Variants in ATF7 observed in about 807,000 individuals in gnomAD.
ATF7 encodes the protein cyclic AMP-dependent transcription factor ATF-7.
Under a neutral mutation model 50.4 loss-of-function variants are expected in ATF7, and 10 were observed. The observed-to-expected ratio is 0.20, with a 90% CI of 0.12 to 0.34. The LOEUF is 0.34. Ranked by LOEUF, ATF7 falls within the 10% of genes least tolerant of loss-of-function variation. The probability of loss-of-function intolerance (pLI) is 1.00; values close to 1 mark genes in which losing one functional copy is unlikely to be tolerated. For synonymous variants in ATF7, 201 were observed against 226.4 expected, an observed-to-expected ratio of 0.89 and a Z score of 1.01; for missense variants, 465 against 613.9, an observed-to-expected ratio of 0.76 and a Z score of 2.56.
chr12:53,549,187 T>G (rs527583647), intron 3 of ATF7, among the ~76,000 whole-genome samples: 1 of 150,924 alleles, frequency 6.6e-6, no homozygotes, highest in African/African-American at 2.4e-5. Context: ...CTCGGGAGGC[T>G]GAGGCAGGAG....
At position 53,514,571 on chromosome 12, in the gene ATF7, A is replaced by G. The variant is rs1565910212; in HGVS notation, c.*2566T>C. ...GAGACTGAGAACCAACTCAAGAACTATCTAGGGGGTTCTGACCTGCTGCTT... is the reference window on the plus strand; with the variant it reads ...GAGACTGAGAACCAACTCAAGAACTGTCTAGGGGGTTCTGACCTGCTGCTT... On this transcript the variant is annotated 3_prime_UTR_variant, in exon 12 of 12. Coordinates refer to ENST00000420353, the MANE Select transcript of ATF7 (RefSeq NM_006856.3). The G allele has an allele frequency of 1.3e-5, 2 of 152,138 alleles. No homozygotes were observed. Among genetic ancestry groups the G allele is most frequent in the East Asian group, 3.8e-4 (2 of 5,200 alleles). 9.4% of individuals were successfully genotyped at this position (152,138 alleles called of 1,614,324 possible). A position where few individuals can be genotyped will look rare whatever the true frequency, so the allele number is the denominator to read the frequency against.
Position 53,528,750 on chromosome 12 carries a change from G to A in ATF7, c.927+2994C>T, listed in dbSNP as rs187004175. ...TGCACTCTAGCCTGGGTGACAGAGC[G>A]AGACTCCATCTTAAAAAAAAAAGAA... On this transcript the variant is annotated intron_variant, in intron 9 of 11. Transcript: ENST00000420353. 3.3e-3 allele frequency among the ~76,000 whole-genome samples: 497 copies of A among 151,892 alleles called. 2 individuals are homozygous for A. Among genetic ancestry groups the A allele is most frequent in the African/African-American group, 0.011 (472 of 41,440 alleles).
intron 9 of ATF7, among the ~76,000 whole-genome samples, chr12:53,526,206 C>T (rs1370446600): frequency 1.1e-4 from 13 of 114,640 alleles, no homozygotes; most frequent in Non-Finnish European, 2.7e-4. Context: ...GAAACTCGGT[C>T]TCAAAAAAAA....
intron 1 of ATF7, among the ~76,000 whole-genome samples, chr12:53,625,357 T>C (rs1447732040): frequency 6.6e-6 from 1 of 152,152 alleles, no homozygotes; most frequent in Non-Finnish European, 1.5e-5. Context: ...TCCCAGCATC[T>C]TGGAGGCTGG....
At chr12:53,608,717 C>G (rs1242047144) in intron 1 of ATF7, among the ~76,000 whole-genome samples, 1 of 152,128 alleles carries the variant, frequency 6.6e-6, no homozygotes, top group Non-Finnish European at 1.5e-5. Context: ...AAATTATATG[C>G]AAACAGCTCT....
At chr12:53,533,888 G>A (rs1464171605) in intron 6 of ATF7, among the ~76,000 whole-genome samples, 15 of 152,216 alleles carry the variant, frequency 9.9e-5, no homozygotes, top group Admixed American at 8.5e-4. Flanking sequence ...TACCCCAATA[G>A]ACTTCTACAG....
At chr12:53,613,072 G>GAGCCAATGCATTTTAACAT (rs1242930497) in intron 1 of ATF7, among the ~76,000 whole-genome samples, 2 of 152,108 alleles carry the variant, frequency 1.3e-5, no homozygotes, top group Non-Finnish European at 2.9e-5. Flanking sequence ...TATTTATCCT[G>GAGCCAATGCATTTTAACAT]AGCCAATGCA....
At chr12:53,557,085 TA>T (rs1940803297) in intron 2 of ATF7, among the ~76,000 whole-genome samples, 1 of 152,198 alleles carries the variant, frequency 6.6e-6, no homozygotes, top group South Asian at 2.1e-4. Context: ...TACTAAGTGA[TA>T]AAAATCGTGA....
chr12:53,586,620 A>G (rs1592934810), intron 2 of ATF7, among the ~76,000 whole-genome samples: 1 of 152,244 alleles, frequency 6.6e-6, no homozygotes, highest in East Asian at 1.9e-4. Context: ...GAGGTAATCA[A>G]AGCTTAGCAT....
chr12:53,604,370 CTGAGA>C (rs1047462680), intron 1 of ATF7, among the ~76,000 whole-genome samples: 4 of 152,110 alleles, frequency 2.6e-5, no homozygotes, highest in African/African-American at 9.7e-5. Flanking sequence ...TTTTTAATAA[CTGAGA>C]TAATTTCATA....
chr12:53,588,748 G>A (rs925080708), intron 2 of ATF7, among the ~76,000 whole-genome samples: 1 of 152,102 alleles, frequency 6.6e-6, no homozygotes, highest in African/African-American at 2.4e-5. Flanking sequence ...TTCTGTCTAC[G>A]TTTCTGGTTG....
intron 1 of ATF7, among the ~76,000 whole-genome samples, chr12:53,609,641 T>TAA (rs74845346): frequency 2.3e-5 from 3 of 133,192 alleles, no homozygotes; most frequent in Admixed American, 7.6e-5. Context: ...CTGGGACTCT[T>TAA]AAAAAAAAAA....
intron 2 of ATF7, among the ~76,000 whole-genome samples, chr12:53,557,977 T>C (rs12423837): frequency 0.11 from 17,014 of 152,258 alleles, 1,056 homozygotes; most frequent in Admixed American, 0.19. Flanking sequence ...CACTTTTTAA[T>C]GTAACTACTA....
Position 53,524,879 on chromosome 12 carries a change from C to T in ATF7, c.928-118G>A, listed in dbSNP as rs1409360974. The T allele has an allele frequency of 2.1e-5, 20 of 957,636 alleles. No homozygotes were observed. Among genetic ancestry groups the T allele is most frequent in the Non-Finnish European group, 3.0e-5 (20 of 669,478 alleles). 59.3% of individuals were successfully genotyped at this position (957,636 alleles called of 1,614,324 possible). On this transcript the variant is annotated intron_variant, in intron 9 of 11. Coordinates refer to ENST00000420353, the MANE Select transcript of ATF7 (RefSeq NM_006856.3). This position sits in a 1 kb window ranked among gnomAD's most constrained non-coding sequence, Gnocchi z 4.6. ...AAAGGATATACCAGCCTCTGGTAAC[C>T]ACAGCAAGTCTCATTACTATGTCCC...
At chr12:53,595,498 A>G (rs1400274350) in intron 2 of ATF7, among the ~76,000 whole-genome samples, 1 of 152,226 alleles carries the variant, frequency 6.6e-6, no homozygotes, top group Non-Finnish European at 1.5e-5. Context: ...AATAATCTCT[A>G]TAGATTTGTG....
intron 6 of ATF7, among the ~76,000 whole-genome samples, chr12:53,534,016 G>A (rs1019918784): frequency 1.3e-5 from 2 of 152,218 alleles, no homozygotes; most frequent in Non-Finnish European, 2.9e-5. Context: ...GGTGGCTCAC[G>A]CCTGTAATCC....
chr12:53,511,763 C>T (rs1310564248), downstream of ATF7, among the ~76,000 whole-genome samples: 1 of 152,210 alleles, frequency 6.6e-6, no homozygotes, highest in Non-Finnish European at 1.5e-5. Flanking sequence ...ACATAAAGCA[C>T]ATACTAAGTT....
At position 53,514,748 on chromosome 12, in the gene ATF7, A is replaced by G. The variant is rs1446793112; in HGVS notation, c.*2389T>C. 1 of 152,190 alleles carries G rather than the reference A, an allele frequency of 6.6e-6. No homozygotes were observed. Among genetic ancestry groups the G allele is most frequent in the Non-Finnish European group, 1.5e-5 (1 of 68,042 alleles). 9.4% of individuals were successfully genotyped at this position (152,190 alleles called of 1,614,324 possible). The stretch of plus-strand genomic sequence containing the variant: ...AAAAGACCCGCTACATAAATTAGCC[A>G]CCCAACACAGGGACAGACTGGCAGG... On this transcript the variant is annotated 3_prime_UTR_variant, in exon 12 of 12. Coordinates refer to ENST00000420353, the MANE Select transcript of ATF7 (RefSeq NM_006856.3).
rs1402580792 is a variant in ATF7, at chr12:53,542,192, G to A, written c.264+1138C>T. ...TGTAATCCCAGCCCTTTGGGAGGCC[G>A]AGGTGAGCAGATCACGAGGTCAGGA... On this transcript the variant is annotated intron_variant, in intron 4 of 11. Transcript: ENST00000420353. Among the ~76,000 whole-genome samples, 9 of 147,376 alleles carry A rather than the reference G, an allele frequency of 6.1e-5. No individual in the cohort carries two copies. The South Asian group carries it at 1.1e-3, about 18-fold the overall frequency.
Sources: gnomAD v4.1 joint callset for allele counts (sites outside exome capture counted in the v4.1 genomes callset) on GRCh38, gnomAD v4.1.1 for gene constraint, Gnocchi (gnomAD v3.1) non-coding constraint, MANE v1.5 for transcripts, NCBI Gene and HGNC (gene_info 2026-07-23, HGNC 2026-07-21) for gene names.